Variants in ADGRA1 observed in about 807,000 individuals in gnomAD.
The protein encoded by ADGRA1 is adhesion G protein-coupled receptor A1.
ADGRA1 carries 12 observed loss-of-function variants against 21.3 expected under a neutral mutation model. That is an observed-to-expected ratio of 0.56 (90% CI 0.36 to 0.91). ADGRA1 has a LOEUF of 0.91. Among genes scored for constraint, ADGRA1 ranks in the 40% least tolerant of loss-of-function variants. ADGRA1 has a pLI of 0.01. For missense variants in ADGRA1, 790 were observed against 805.6 expected, an observed-to-expected ratio of 0.98 and a Z score of 0.23; for synonymous variants, 385 against 368.8, an observed-to-expected ratio of 1.04 and a Z score of -0.50.
chr10:133,128,386 C>A lies in ADGRA1; in HGVS notation c.558C>A (p.Ile186=). ...CCTTCTACGGCCCAGCCGCCATCAT[C>A]ACCCTGGTCACCTGTGTGTACTTCC... ...LGAFYGPAAI[I]TLVTCVYFLG... The change falls in exon 7 of 7, where the codon ATC becomes ATA. Residue 186 remains isoleucine (I), a synonymous_variant. Coordinates refer to ENST00000392607, the MANE Select transcript of ADGRA1 (RefSeq NM_001083909.3). The A allele has an allele frequency of 6.3e-7, 1 of 1,596,396 alleles. No individual in the cohort carries two copies. The highest frequency in any genetic ancestry group is 8.5e-7 in the Non-Finnish European group (1 of 1,172,842).
rs1187116777 is a variant in ADGRA1, at chr10:133,129,467, G to C, written c.1639G>C (p.Gly547Arg). The C allele has an allele frequency of 1.3e-6, 2 of 1,599,800 alleles. No homozygotes were observed. The highest frequency in any genetic ancestry group is 2.2e-5 in the East Asian group (1 of 44,870). Reference protein sequence around the residue: ...EGLPFGTDGTGNIRTGPWKNE... With the variant: ...EGLPFGTDGTRNIRTGPWKNE... ...CCTGCCGTTTGGCACCGACGGGACCGGCAACATCCGAACGGGACCCTGGAA... is the reference window on the plus strand; with the variant it reads ...CCTGCCGTTTGGCACCGACGGGACCCGCAACATCCGAACGGGACCCTGGAA... The change falls in exon 7 of 7, where the codon GGC becomes CGC. Residue 547 changes from glycine to arginine, a missense_variant. Transcript: ENST00000392607.
intron 4 of ADGRA1, 50 bp downstream of exon 4, chr10:133,098,813 A>G: frequency 6.4e-7 from 1 of 1,572,432 alleles, no homozygotes; most frequent in Non-Finnish European, 8.6e-7. Flanking sequence ...GAACTGCGTG[A>G]GCGTCGTCTT....
At chr10:133,116,162 C>T (rs1253894650) in intron 5 of ADGRA1, among the ~76,000 whole-genome samples, 2 of 152,176 alleles carry the variant, frequency 1.3e-5, no homozygotes, top group African/African-American at 2.4e-5. Flanking sequence ...CTACCCTGGG[C>T]CGCTGCCCAG....
chr10:133,129,185 A>C lies in ADGRA1; in HGVS notation c.1357A>C (p.Thr453Pro). The part of the protein sequence containing the change: ...SLDGSPRSSR[T>P]DSPPSSLDGP... ...GGATGGCAGCCCCCGCAGCTCGCGCACAGACAGCCCCCCCAGCTCTCTGGA... is the reference window on the plus strand; with the variant it reads ...GGATGGCAGCCCCCGCAGCTCGCGCCCAGACAGCCCCCCCAGCTCTCTGGA... The change falls in exon 7 of 7, where the codon ACA becomes CCA. Residue 453 changes from threonine (T) to proline (P), a missense_variant. This residue lies in a region of ADGRA1 where 391 missense variants were observed against 351.5 expected (regional missense o/e 1.11). Coordinates refer to ENST00000392607, the MANE Select transcript of ADGRA1 (RefSeq NM_001083909.3). 4.5e-6 allele frequency: 7 copies of C among 1,550,652 alleles called. No individual in the cohort carries two copies. The highest frequency in any genetic ancestry group is 6.1e-6 in the Non-Finnish European group (7 of 1,147,102).
At chr10:133,102,311 T>C in intron 4 of ADGRA1, 1 of 508,426 alleles carries the variant, frequency 2.0e-6, no homozygotes, top group Non-Finnish European at 3.9e-6. Context: ...GGACTTCACC[T>C]CCTCTCCCTT....
At chr10:133,096,117 C>T (rs972022119) in intron 2 of ADGRA1, among the ~76,000 whole-genome samples, 2 of 152,256 alleles carry the variant, frequency 1.3e-5, no homozygotes, top group Non-Finnish European at 2.9e-5. Context: ...ATGTTTCCCA[C>T]AGTCTGGAGG....
intron 5 of ADGRA1, among the ~76,000 whole-genome samples, chr10:133,103,450 C>T (rs1851835623): frequency 6.6e-6 from 1 of 152,218 alleles, no homozygotes; most frequent in Non-Finnish European, 1.5e-5. Flanking sequence ...CTGTGTGAGG[C>T]CCGGTTGCTG....
At chr10:133,097,443 G>A (rs1851707319) in intron 3 of ADGRA1, among the ~76,000 whole-genome samples, 1 of 152,256 alleles carries the variant, frequency 6.6e-6, no homozygotes, top group South Asian at 2.1e-4. Context: ...CCCCCGGGCA[G>A]TCACTATGGC....
At chr10:133,097,511 G>A (rs990988061) in intron 3 of ADGRA1, among the ~76,000 whole-genome samples, 2 of 152,218 alleles carry the variant, frequency 1.3e-5, no homozygotes, top group Non-Finnish European at 2.9e-5. Flanking sequence ...AGTCAGGGTG[G>A]GCATGCCCAC....
intron 5 of ADGRA1, among the ~76,000 whole-genome samples, chr10:133,124,306 A>G (rs760303554): frequency 6.5e-4 from 99 of 152,132 alleles, no homozygotes; most frequent in South Asian, 1.2e-3. Flanking sequence ...GGCTCTGAGC[A>G]ATGTGCTCTG....
intron 5 of ADGRA1, among the ~76,000 whole-genome samples, chr10:133,124,513 G>C (rs1276841249): frequency 6.6e-6 from 1 of 152,248 alleles, no homozygotes; most frequent in Admixed American, 6.5e-5. Flanking sequence ...CCTGGCGTGC[G>C]AGCCGCTGCC....
intron 5 of ADGRA1, among the ~76,000 whole-genome samples, chr10:133,122,987 T>C (rs1852302911): frequency 6.6e-6 from 1 of 152,236 alleles, no homozygotes; most frequent in South Asian, 2.1e-4. Flanking sequence ...TAACCGTCGG[T>C]AGCTGGGGCT....
At chr10:133,098,515 C>A in intron 3 of ADGRA1, 125 bp from the exon 4 acceptor site, 1 of 1,176,154 alleles carries the variant, frequency 8.5e-7, no homozygotes, top group Non-Finnish European at 1.2e-6. Flanking sequence ...CCTCGGACAG[C>A]TGCCCCTGAC....
intron 5 of ADGRA1, among the ~76,000 whole-genome samples, chr10:133,110,044 G>A (rs1006236129): frequency 7.2e-5 from 11 of 152,302 alleles, no homozygotes; most frequent in Admixed American, 2.6e-4. Flanking sequence ...CAGCAGCGGC[G>A]GCGTTCCTGG....
intron 4 of ADGRA1, among the ~76,000 whole-genome samples, chr10:133,100,169 G>C (rs9419101): frequency 0.57 from 86,732 of 152,184 alleles, 25,343 homozygotes; most frequent in East Asian, 0.7. Flanking sequence ...CCGTGCCCCC[G>C]GCCTGGGCCT....
intron 4 of ADGRA1, among the ~76,000 whole-genome samples, chr10:133,101,212 G>A (rs535162927): frequency 2.1e-4 from 32 of 152,238 alleles, no homozygotes; most frequent in East Asian, 3.9e-4. Context: ...CGCCTGCCCC[G>A]CCCTTGTCAC....
At chr10:133,123,069 C>T (rs992972615) in intron 5 of ADGRA1, among the ~76,000 whole-genome samples, 7 of 152,238 alleles carry the variant, frequency 4.6e-5, no homozygotes, top group Non-Finnish European at 5.9e-5. Flanking sequence ...TCCCTCCTGC[C>T]GACTGTGGCA....
rs904098361 is a variant in ADGRA1, at chr10:133,112,240, A to G, written c.401+9398A>G. Among the ~76,000 whole-genome samples, 23 of 152,362 alleles carry G rather than the reference A, an allele frequency of 1.5e-4. 1 individual carries two copies. Among genetic ancestry groups the G allele is most frequent in the Admixed American group, 1.1e-3 (17 of 15,308 alleles). On this transcript the variant is annotated intron_variant, in intron 5 of 6. Transcript: ENST00000392607. The stretch of plus-strand genomic sequence containing the variant: ...ATTCCCCATTTAGCCATGAATAATG[A>G]CATCTTAATTTTGCAGTACGGCCAC...
In ADGRA1 at chr10:133,129,213, G is replaced by C; in HGVS notation, c.1385G>C (p.Gly462Ala). 6.5e-7 allele frequency: 1 copy of C among 1,549,920 alleles called. No homozygotes were observed. Among genetic ancestry groups the C allele is most frequent in the South Asian group, 1.2e-5 (1 of 84,070 alleles). ...GACAGCCCCCCCAGCTCTCTGGATG[G>C]CCCGGCGGGGACACACACGCTGGCC... ...RTDSPPSSLD[G>A]PAGTHTLACC... The change falls in exon 7 of 7, where the codon GGC becomes GCC. Residue 462 changes from glycine to alanine, a missense_variant. Transcript: ENST00000392607.
Sources: allele counts gnomAD v4.1 joint callset (sites outside exome capture counted in the v4.1 genomes callset), GRCh38; gene constraint gnomAD v4.1.1; regional missense constraint gnomAD v4.1.1; transcripts MANE v1.5; gene names NCBI Gene and HGNC (gene_info 2026-07-23, HGNC 2026-07-21).